Variants in MGAT5 observed in about 807,000 individuals in gnomAD.
MGAT5 encodes the protein alpha-1,6-mannosylglycoprotein 6-beta-N-acetylglucosaminyltransferase A.
A neutral mutation model predicts 94.3 loss-of-function variants in MGAT5; 30 were observed. The ratio of observed to expected loss-of-function variants is 0.32; its 90% CI spans 0.24 to 0.43. The LOEUF is 0.43. MGAT5 is among the 20% of genes least tolerant of loss of function. The pLI, the probability that MGAT5 is intolerant of heterozygous loss-of-function variation, is 1.00. For synonymous variants in MGAT5, 310 were observed against 322.9 expected, an observed-to-expected ratio of 0.96 and a Z score of 0.43; for missense variants, 691 against 905.5, an observed-to-expected ratio of 0.76 and a Z score of 3.04.
rs543244030 is a variant in MGAT5 at position 134,403,105 on chromosome 2, C to T, written c.1498C>T (p.Arg500Trp). Residue 500 changes from arginine (R) to tryptophan (W), a missense_variant, in exon 11 of 16, where the codon CGG (arginine) becomes TGG (tryptophan). Physicochemically the swap from Arg to Trp is moderately radical, Grantham distance 101. Around this residue, in one of 4 missense-constraint regions of MGAT5, gnomAD observed 260 missense variants for 347.0 expected, o/e 0.75. Coordinates refer to ENST00000281923, the MANE Select transcript of MGAT5 (RefSeq NM_002410.5). ...GAAAAACCATGGTATCCTCAGTGGA[C>T]GGGACCTGCAGTTCCTTCTTCGAGA... ...YVKNHGILSG[R>W]DLQFLLRETK... The T allele has an allele frequency of 2.5e-6, 4 of 1,608,946 alleles. No individual in the cohort carries two copies. The highest frequency in any genetic ancestry group is 2.2e-5 in the East Asian group (1 of 44,706).
intron 14 of MGAT5, among the ~76,000 whole-genome samples, chr2:134,429,492 C>A (rs1208080965): frequency 3.9e-5 from 6 of 152,166 alleles, no homozygotes; most frequent in Non-Finnish European, 8.8e-5. Flanking sequence ...TGTTACTTGG[C>A]CTCTCTATGC....
chr2:134,338,857 G>GAGA (rs531250262), intron 6 of MGAT5, among the ~76,000 whole-genome samples: 21 of 151,780 alleles, frequency 1.4e-4, no homozygotes, highest in African/African-American at 4.8e-4. Context: ...TGCCCGTAGG[G>GAGA]GAGAGAGAGA....
chr2:134,258,546 G>T (rs936901527), intron 1 of MGAT5, among the ~76,000 whole-genome samples: 2 of 152,180 alleles, frequency 1.3e-5, no homozygotes, highest in Admixed American at 6.5e-5. Flanking sequence ...TTACTGTCTG[G>T]TTCTTTACCA....
intron 2 of MGAT5, among the ~76,000 whole-genome samples, chr2:134,308,163 C>T (rs1686442371): frequency 6.6e-6 from 1 of 152,150 alleles, no homozygotes; most frequent in Admixed American, 6.5e-5. Context: ...GATGCTCAGT[C>T]TGTTGGCTAC....
At chr2:134,189,602 G>GTTTTTTTTGTTTTTTTTT (rs1553490383) in intron 1 of MGAT5, among the ~76,000 whole-genome samples, 2 of 84,672 alleles carry the variant, frequency 2.4e-5, no homozygotes, top group Admixed American at 2.5e-4. Flanking sequence ...GTTTTTTTTT[G>GTTTTTTTTGTTTTTTTTT]TTTTTTTTTT....
At chr2:134,336,142 T>C (rs1688319037) in intron 4 of MGAT5, 75 bp from the exon 5 acceptor site, 4 of 1,155,748 alleles carry the variant, frequency 3.5e-6, no homozygotes, top group African/African-American at 1.6e-5. Context: ...TGCCAGGAGC[T>C]GTTCTCGGTG....
At chr2:134,200,897 C>T (rs1679755047) in intron 1 of MGAT5, among the ~76,000 whole-genome samples, 1 of 152,042 alleles carries the variant, frequency 6.6e-6, no homozygotes, top group South Asian at 2.1e-4. Flanking sequence ...TTGTGGTATG[C>T]ACCTGTAGTC....
At chr2:134,446,306 T>C (rs1485995887) in intron 15 of MGAT5, among the ~76,000 whole-genome samples, 1 of 151,722 alleles carries the variant, frequency 6.6e-6, no homozygotes, top group African/African-American at 2.4e-5. Context: ...GCAGGAGGGT[T>C]TTTCATAGCT....
At chr2:134,161,728 C>G (rs1001113488) in intron 1 of MGAT5, among the ~76,000 whole-genome samples, 15 of 150,304 alleles carry the variant, frequency 1.0e-4, no homozygotes, top group Non-Finnish European at 1.6e-4. Context: ...CTGGATTTTT[C>G]TCTCAGCACT....
chr2:134,356,283 C>T (rs1338724678), intron 9 of MGAT5, among the ~76,000 whole-genome samples: 2 of 152,082 alleles, frequency 1.3e-5, no homozygotes, highest in African/African-American at 2.4e-5. Context: ...TTAGAACTTT[C>T]CCATTTCACC....
chr2:134,250,685 C>T (rs1316678705), upstream of MGAT5, among the ~76,000 whole-genome samples: 2 of 152,180 alleles, frequency 1.3e-5, no homozygotes, highest in Non-Finnish European at 2.9e-5. Flanking sequence ...CTCTAAGTAC[C>T]ACTGGAGAAG....
intron 2 of MGAT5, among the ~76,000 whole-genome samples, chr2:134,314,869 G>T (rs938393881): frequency 6.6e-6 from 1 of 152,122 alleles, no homozygotes; most frequent in Non-Finnish European, 1.5e-5. Flanking sequence ...CAACAGGGGG[G>T]TCTGTGCCTG....
intron 1 of MGAT5, among the ~76,000 whole-genome samples, chr2:134,264,834 T>C (rs1314828850): frequency 6.6e-6 from 1 of 152,224 alleles, no homozygotes; most frequent in Non-Finnish European, 1.5e-5. Flanking sequence ...TCTGTGGCTC[T>C]GTTGTTCATG....
chr2:134,446,687 A>G (rs1314164500), intron 15 of MGAT5, among the ~76,000 whole-genome samples: 1 of 152,194 alleles, frequency 6.6e-6, no homozygotes, highest in Non-Finnish European at 1.5e-5. Flanking sequence ...AGCTGGCATC[A>G]AGAGCAGGGG....
At chr2:134,155,744 C>G (rs988275191) in intron 1 of MGAT5, among the ~76,000 whole-genome samples, 3 of 152,186 alleles carry the variant, frequency 2.0e-5, no homozygotes, top group Non-Finnish European at 2.9e-5. Context: ...TCTAGCCACA[C>G]TGGCTCTTTC....
chr2:134,377,325 G>A (rs1681247116), intron 10 of MGAT5, among the ~76,000 whole-genome samples: 2 of 152,170 alleles, frequency 1.3e-5, no homozygotes, highest in South Asian at 4.2e-4. Flanking sequence ...CATAGCTGTG[G>A]TCTAAGCAGA....
Position 134,448,998 on chromosome 2 carries a change from A to G in MGAT5, c.*151A>G. 1 of 719,704 alleles carries G rather than the reference A, an allele frequency of 1.4e-6. No individual in the cohort carries two copies. The highest frequency in any genetic ancestry group is 2.3e-6 in the Non-Finnish European group (1 of 438,422). 44.6% of individuals were successfully genotyped at this position (719,704 alleles called of 1,614,324 possible). A position where few individuals can be genotyped will look rare whatever the true frequency, so the allele number is the denominator to read the frequency against. On this transcript the variant is annotated 3_prime_UTR_variant, in exon 16 of 16. Transcript: ENST00000281923. ...TCTGAATTGGCATTGCCCTTGCTGC[A>G]CTCCGAGCAACCCAGTGGAGTCTTC...
intron 2 of MGAT5, among the ~76,000 whole-genome samples, chr2:134,310,627 T>C (rs113463818): frequency 9.9e-4 from 151 of 152,318 alleles, no homozygotes; most frequent in African/African-American, 3.6e-3. Context: ...ATTGCTTTGT[T>C]GGGGAGGGAA....
chr2:134,160,171 T>A (rs1021461143), intron 1 of MGAT5, among the ~76,000 whole-genome samples: 6 of 151,968 alleles, frequency 3.9e-5, no homozygotes, highest in Admixed American at 2.0e-4. Context: ...TTTTAATTTT[T>A]TTATTATTAT....
Sources: allele counts gnomAD v4.1 joint callset (sites outside exome capture counted in the v4.1 genomes callset), GRCh38; gene constraint gnomAD v4.1.1; regional missense constraint gnomAD v4.1.1; transcripts MANE v1.5; gene names NCBI Gene and HGNC (gene_info 2026-07-23, HGNC 2026-07-21).